Variants in RBFOX1 observed in about 807,000 individuals in gnomAD.
The protein encoded by RBFOX1 is RNA binding fox-1 homolog 1, also known as RNA binding protein fox-1 homolog 1.
A neutral mutation model predicts 57.7 loss-of-function variants in RBFOX1; 8 were observed. The ratio of observed to expected loss-of-function variants is 0.14; its 90% CI spans 0.08 to 0.25. The LOEUF (loss-of-function observed/expected upper bound fraction) is 0.25. RBFOX1 is among the 10% of genes least tolerant of loss of function. The pLI is 1.00. For missense variants in RBFOX1, 611 were observed against 548.5 expected (o/e 1.11, Z -1.14); for synonymous variants, 326 against 222.4 (o/e 1.47, Z -4.15).
intron 4 of RBFOX1, among the ~76,000 whole-genome samples, chr16:7,334,789 C>G (rs1388248540): frequency 6.6e-6 from 1 of 152,144 alleles, no homozygotes; most frequent in African/African-American, 2.4e-5. Context: ...CCTATTTCTT[C>G]CTCCTTTGCA....
chr16:5,484,357 G>C (rs917048400), intron 2 of RBFOX1, among the ~76,000 whole-genome samples: 5 of 152,192 alleles, frequency 3.3e-5, no homozygotes, highest in African/African-American at 9.6e-5. Context: ...CTCACATCTT[G>C]GCAACTGGCT....
At chr16:6,897,491 A>G (rs1031234151) in intron 3 of RBFOX1, among the ~76,000 whole-genome samples, 2 of 152,202 alleles carry the variant, frequency 1.3e-5, no homozygotes, top group Admixed American at 6.5e-5. Flanking sequence ...ATTTAAGAAA[A>G]TGGTCAAGTC....
At chr16:7,262,279 A>C (rs1048983253) in intron 4 of RBFOX1, among the ~76,000 whole-genome samples, 2 of 151,466 alleles carry the variant, frequency 1.3e-5, no homozygotes, top group African/African-American at 4.9e-5. Flanking sequence ...AAATCATTCT[A>C]ATATTCTGTC....
intron 3 of RBFOX1, among the ~76,000 whole-genome samples, chr16:5,633,525 C>A (rs2048586070): frequency 6.6e-6 from 1 of 152,104 alleles, no homozygotes; most frequent in Admixed American, 6.6e-5. Flanking sequence ...AGACTGACAT[C>A]CAGAATCTAC....
At chr16:7,319,794 C>G (rs971596915) in intron 4 of RBFOX1, among the ~76,000 whole-genome samples, 1 of 152,048 alleles carries the variant, frequency 6.6e-6, no homozygotes, top group Admixed American at 6.6e-5. Flanking sequence ...GACTGCCGGC[C>G]CTCCCTGCTC....
At chr16:5,657,359 A>G (rs1459168882) in intron 3 of RBFOX1, among the ~76,000 whole-genome samples, 1 of 152,230 alleles carries the variant, frequency 6.6e-6, no homozygotes, top group Non-Finnish European at 1.5e-5. Flanking sequence ...AATCCACATT[A>G]TAAGACAGTA....
At chr16:5,714,816 C>CGT (rs1452171830) in intron 3 of RBFOX1, among the ~76,000 whole-genome samples, 1 of 152,144 alleles carries the variant, frequency 6.6e-6, no homozygotes. Flanking sequence ...ATCGTCACTG[C>CGT]GTCACAGATG....
intron 2 of RBFOX1, among the ~76,000 whole-genome samples, chr16:5,567,676 G>C (rs1031153825): frequency 2.7e-5 from 4 of 148,212 alleles, no homozygotes; most frequent in African/African-American, 9.9e-5. Flanking sequence ...AGATGGAAGG[G>C]CTGTGTCTAT....
intron 2 of RBFOX1, among the ~76,000 whole-genome samples, chr16:6,540,090 G>A (rs553464339): frequency 1.3e-5 from 2 of 151,402 alleles, no homozygotes; most frequent in Non-Finnish European, 2.9e-5. Context: ...TAGAGAAGCA[G>A]GCTGCCCTCT....
intron 4 of RBFOX1, among the ~76,000 whole-genome samples, chr16:7,392,613 C>T (rs568020381): frequency 6.6e-6 from 1 of 152,158 alleles, no homozygotes; most frequent in African/African-American, 2.4e-5. Flanking sequence ...GGGCTAGAGT[C>T]AGAGCCACTT....
intron 2 of RBFOX1, among the ~76,000 whole-genome samples, chr16:6,610,735 G>C (rs889874742): frequency 6.6e-6 from 1 of 152,164 alleles, no homozygotes; most frequent in Non-Finnish European, 1.5e-5. Context: ...AGCAGCTTCC[G>C]CCAAACAATC....
intron 2 of RBFOX1, among the ~76,000 whole-genome samples, chr16:6,579,986 T>C (rs1215550821): frequency 6.6e-6 from 1 of 152,004 alleles, no homozygotes. Flanking sequence ...TGAGACAGAG[T>C]CTTGCTCTGT....
chr16:6,546,084 A>G (rs746667824), intron 2 of RBFOX1, among the ~76,000 whole-genome samples: 4 of 152,230 alleles, frequency 2.6e-5, no homozygotes, highest in Non-Finnish European at 4.4e-5. Context: ...AAAAGATTAT[A>G]ATGTTTTAAG....
rs140714478 is a variant in RBFOX1 at position 5,947,538 on chromosome 16, G to C, written c.351+80203G>C. Among the ~76,000 whole-genome samples the C allele has an allele frequency of 0.017, 2,657 of 152,172 alleles. 56 individuals are homozygous for C. The highest frequency in any genetic ancestry group is 0.057 in the South Asian group (274 of 4,822). On this transcript the variant is annotated intron_variant, in intron 4 of 19. Transcript: ENST00000641259. This position sits in a 1 kb window ranked among gnomAD's most constrained non-coding sequence, Gnocchi z 7.2. ...GGGTCTCTGTATGTTGCCTAGGCTG[G>C]TGTCAGACTCCTAGCCCCAAGCAAT...
chr16:6,943,376 G>T (rs1198106725), intron 3 of RBFOX1, among the ~76,000 whole-genome samples: 1 of 152,174 alleles, frequency 6.6e-6, no homozygotes, highest in Non-Finnish European at 1.5e-5. Flanking sequence ...CTGTCAGCTA[G>T]CTTAATAGAC....
chr16:6,127,683 G>T (rs2096599867), intron 1 of RBFOX1, among the ~76,000 whole-genome samples: 1 of 152,104 alleles, frequency 6.6e-6, no homozygotes, highest in African/African-American at 2.4e-5. Context: ...TCACATCATA[G>T]ATTTAGAAAT....
At chr16:6,538,758 T>C (rs539799937) in intron 2 of RBFOX1, among the ~76,000 whole-genome samples, 3 of 152,280 alleles carry the variant, frequency 2.0e-5, no homozygotes, top group East Asian at 1.9e-4. Flanking sequence ...CAGCTGTTGG[T>C]TGTTTTTTTT....
At chr16:6,565,701 C>A (rs538522067) in intron 2 of RBFOX1, among the ~76,000 whole-genome samples, 4 of 152,264 alleles carry the variant, frequency 2.6e-5, no homozygotes, top group Non-Finnish European at 5.9e-5. Context: ...ATCTCCTGAC[C>A]TCGTGATCCG....
chr16:7,158,549 A>T (rs764874075), intron 4 of RBFOX1, among the ~76,000 whole-genome samples: 1 of 151,840 alleles, frequency 6.6e-6, no homozygotes, highest in Non-Finnish European at 1.5e-5. Context: ...TACTGTGTGT[A>T]TCTATGTCTG....
Sources: allele counts gnomAD v4.1 joint callset (sites outside exome capture counted in the v4.1 genomes callset), GRCh38; gene constraint gnomAD v4.1.1; non-coding constraint Gnocchi (gnomAD v3.1); transcripts MANE v1.5; gene names NCBI Gene and HGNC (gene_info 2026-07-23, HGNC 2026-07-21).